Variants in CNOT6L observed in about 807,000 individuals in gnomAD.
CNOT6L encodes CCR4-NOT transcription complex subunit 6-like.
In CNOT6L, 7 loss-of-function variants were observed where a neutral mutation model predicts 64.0. The observed-to-expected ratio is 0.11, with a 90% CI of 0.06 to 0.21. The LOEUF is 0.21. CNOT6L is among the 10% of genes least tolerant of loss of function. The pLI, the probability that CNOT6L is intolerant of heterozygous loss-of-function variation, is 1.00. For missense variants in CNOT6L, 245 were observed against 669.0 expected, an observed-to-expected ratio of 0.37 and a Z score of 6.99; for synonymous variants, 193 against 243.4, an observed-to-expected ratio of 0.79 and a Z score of 1.93.
In CNOT6L at chr4:77,768,244, C is replaced by T. The variant is rs556357579; in HGVS notation, c.400+4837G>A. Among the ~76,000 whole-genome samples the T allele has an allele frequency of 1.7e-3, 262 of 151,856 alleles. 1 individual carries two copies. Among genetic ancestry groups the T allele is most frequent in the Non-Finnish European group, 2.6e-3 (174 of 67,942 alleles). ...CTTTGGGAGGCTGAGGTGGGAGGAT[C>T]ACCTGAGGTCAGGAGTTCGAGACTA... On this transcript the variant is annotated intron_variant, in intron 4 of 11. Coordinates refer to ENST00000504123, the MANE Select transcript of CNOT6L (RefSeq NM_144571.3).
At chr4:77,762,460 T>C (rs1027224815) in intron 4 of CNOT6L, among the ~76,000 whole-genome samples, 3 of 152,166 alleles carry the variant, frequency 2.0e-5, no homozygotes, top group African/African-American at 7.2e-5. Context: ...AAATCCCATG[T>C]AGAAAGTATA....
chr4:77,812,299 A>G (rs573418494), intron 1 of CNOT6L, among the ~76,000 whole-genome samples: 4 of 151,936 alleles, frequency 2.6e-5, no homozygotes, highest in African/African-American at 9.7e-5. Context: ...TTAGCCAGGC[A>G]TGGTGGCAGG....
At chr4:77,816,952 T>C (rs150496927) in intron 1 of CNOT6L, among the ~76,000 whole-genome samples, 47 of 152,328 alleles carry the variant, frequency 3.1e-4, no homozygotes, top group African/African-American at 1.1e-3. Context: ...TGGAAAGTTA[T>C]TGAAAATTAA....
chr4:77,817,276 A>G (rs1348919465), intron 1 of CNOT6L, among the ~76,000 whole-genome samples: 1 of 152,126 alleles, frequency 6.6e-6, no homozygotes, highest in Non-Finnish European at 1.5e-5. Context: ...TTTAATGACT[A>G]TTTTTATTAT....
chr4:77,786,041 G>C (rs1166205026), intron 1 of CNOT6L, among the ~76,000 whole-genome samples: 1 of 152,174 alleles, frequency 6.6e-6, no homozygotes, highest in Non-Finnish European at 1.5e-5. Flanking sequence ...AGCACTTAGG[G>C]AGGCCAAGGA....
At chr4:77,810,834 C>A (rs1244315803) in intron 1 of CNOT6L, among the ~76,000 whole-genome samples, 1 of 152,120 alleles carries the variant, frequency 6.6e-6, no homozygotes, top group African/African-American at 2.4e-5. Context: ...CTCTTTTCTA[C>A]TTTTTACTTC....
chr4:77,763,791 A>G (rs564592835), intron 4 of CNOT6L, among the ~76,000 whole-genome samples: 1 of 152,334 alleles, frequency 6.6e-6, no homozygotes, highest in East Asian at 1.9e-4. Context: ...CTGGTTCATT[A>G]GTCTATAATG....
chr4:77,785,703 C>T (rs147502151), intron 1 of CNOT6L, among the ~76,000 whole-genome samples: 228 of 152,178 alleles, frequency 1.5e-3, no homozygotes, highest in African/African-American at 5.3e-3. Flanking sequence ...AATGAGATAT[C>T]GCTACACATT....
At chr4:77,819,224 C>T in intron 1 of CNOT6L, 80 bp downstream of exon 1, 1 of 1,612,286 alleles carries the variant, frequency 6.2e-7, no homozygotes, top group Non-Finnish European at 8.5e-7. Context: ...ACATTTGTCC[C>T]TCTCCCACCT....
chr4:77,797,477 C>T (rs1333213145), intron 1 of CNOT6L, among the ~76,000 whole-genome samples: 1 of 152,116 alleles, frequency 6.6e-6, no homozygotes, highest in Non-Finnish European at 1.5e-5. Flanking sequence ...GTTTAGTATA[C>T]CTGCCTATTA....
upstream of CNOT6L, chr4:77,819,613 GGGC>G (rs889653462): frequency 1.2e-3 from 202 of 163,232 alleles, no homozygotes; most frequent in African/African-American, 3.3e-3. Context: ...GCCGGGGTCC[GGGC>G]GGCGGCGGCG....
At chr4:77,811,444 G>A (rs921467186) in intron 1 of CNOT6L, among the ~76,000 whole-genome samples, 5 of 152,100 alleles carry the variant, frequency 3.3e-5, no homozygotes, top group African/African-American at 4.8e-5. Flanking sequence ...CTTCTCAAGA[G>A]GCTGAGGCAG....
At position 77,714,438 on chromosome 4, in the gene CNOT6L, TAAAA is replaced by T. The variant is rs201499481; in HGVS notation, c.*5989_*5992del. Reference sequence around the variant, plus strand: ...AGAAAAAGTACATACACACTCTCTTTAAAAAAAAAAAAAAAAAAAAAAAAAAAAA... The same window carrying T: ...AGAAAAAGTACATACACACTCTCTTTAAAAAAAAAAAAAAAAAAAAAAAAA... On this transcript the variant is annotated 3_prime_UTR_variant, in exon 12 of 12. Transcript: ENST00000504123. The T allele has an allele frequency of 2.2e-5, 3 of 134,686 alleles. No homozygotes were observed. Among genetic ancestry groups the T allele is most frequent in the Non-Finnish European group, 3.1e-5 (2 of 64,708 alleles). The allele number at this position is 134,686 out of a possible 1,614,324, so 8.3% of individuals were successfully genotyped here.
At chr4:77,731,661 C>G (rs1277942345) in intron 8 of CNOT6L, 123 bp from the exon 9 acceptor site, 1 of 669,510 alleles carries the variant, frequency 1.5e-6, no homozygotes, top group East Asian at 3.1e-5. Flanking sequence ...CCATGTGATA[C>G]AGTTCTGGCC....
chr4:77,800,680 ACT>A (rs1731430422), intron 1 of CNOT6L, among the ~76,000 whole-genome samples: 1 of 152,240 alleles, frequency 6.6e-6, no homozygotes, highest in Admixed American at 6.5e-5. Context: ...AACTAGTATG[ACT>A]ATTCTGAGAA....
chr4:77,807,888 C>G (rs909201770), intron 1 of CNOT6L, among the ~76,000 whole-genome samples: 2 of 152,136 alleles, frequency 1.3e-5, no homozygotes, highest in African/African-American at 4.8e-5. Flanking sequence ...ATTTCCTCAA[C>G]TGTGAAGTAG....
chr4:77,728,728 G>T (rs1577922152), intron 10 of CNOT6L, 126 bp downstream of exon 10: 1 of 718,668 alleles, frequency 1.4e-6, no homozygotes, highest in Non-Finnish European at 2.4e-6. Flanking sequence ...ATTACCTTGT[G>T]TCCCATCCAT....
chr4:77,733,595 A>T (rs1006424413), intron 8 of CNOT6L, among the ~76,000 whole-genome samples: 2 of 152,064 alleles, frequency 1.3e-5, no homozygotes, highest in African/African-American at 2.4e-5. Context: ...CAAAAGTCTT[A>T]AAAATCCTGT....
At chr4:77,760,779 C>G (rs1726115295) in intron 4 of CNOT6L, among the ~76,000 whole-genome samples, 1 of 148,518 alleles carries the variant, frequency 6.7e-6, no homozygotes, top group African/African-American at 2.5e-5. Flanking sequence ...TTACTGCAAG[C>G]TCCGCCTCCC....
Sources: gnomAD v4.1 joint callset for allele counts (sites outside exome capture counted in the v4.1 genomes callset) on GRCh38, gnomAD v4.1.1 for gene constraint, MANE v1.5 for transcripts, NCBI Gene and HGNC (gene_info 2026-07-23, HGNC 2026-07-21) for gene names.